Variants in JARID2 observed in about 807,000 individuals in gnomAD.
The protein encoded by JARID2 is jumonji and AT-rich interaction domain containing 2.
Under a neutral mutation model 125.6 loss-of-function variants are expected in JARID2, and 21 were observed. That is an observed-to-expected ratio of 0.17 (90% CI 0.12 to 0.24). The LOEUF (loss-of-function observed/expected upper bound fraction) is 0.24. Ranked by LOEUF, JARID2 falls within the 10% of genes least tolerant of loss-of-function variation. The probability of loss-of-function intolerance (pLI) is 1.00; values close to 1 mark genes in which losing one functional copy is unlikely to be tolerated. For missense variants in JARID2, 1,303 were observed against 1,639.6 expected, an observed-to-expected ratio of 0.79 and a Z score of 3.55; for synonymous variants, 736 against 661.6, an observed-to-expected ratio of 1.11 and a Z score of -1.73.
At chr6:15,274,304 T>TG (rs1273639439) in intron 1 of JARID2, among the ~76,000 whole-genome samples, 1 of 152,194 alleles carries the variant, frequency 6.6e-6, no homozygotes, top group Non-Finnish European at 1.5e-5. Flanking sequence ...TAGATAGTTT[T>TG]GGGGGATGTC....
intron 7 of JARID2, 95 bp from the exon 8 acceptor site, chr6:15,500,812 A>T (rs1169075430): frequency 9.3e-7 from 1 of 1,077,874 alleles, no homozygotes. Flanking sequence ...GTCCTGGCTC[A>T]TAGTAGGAGT....
At position 15,520,706 on chromosome 6, in the gene JARID2, C is replaced by CAT. The variant is rs70996556; in HGVS notation, c.*455_*456insAT. 3 of 453,584 alleles carry CAT rather than the reference C, an allele frequency of 6.6e-6. No homozygotes were observed. The highest frequency in any genetic ancestry group is 1.6e-5 in the South Asian group (1 of 64,398). The allele number at this position is 453,584 out of a possible 1,614,324, so 28.1% of individuals were successfully genotyped here. A position where few individuals can be genotyped will look rare whatever the true frequency, so the allele number is the denominator to read the frequency against. ...ACACACGCGCACACACACACACACA[C>CAT]GAAACTTGAAATGGCTTTGCTTTGG... On this transcript the variant is annotated 3_prime_UTR_variant, in exon 18 of 18. Transcript: ENST00000341776.
In JARID2 at chr6:15,469,339, G is replaced by GTCTCTCTCTCTCTCTCTCTCTCTCCTCCC. The variant is rs146456388; in HGVS notation, c.670+643_670+644insTCCTCCCTCTCTCTCTCTCTCTCTCTCTC. 1.4e-4 allele frequency among the ~76,000 whole-genome samples: 2 copies of GTCTCTCTCTCTCTCTCTCTCTCTCCTCCC among 14,214 alleles called. 1 individual carries two copies. The highest frequency in any genetic ancestry group is 7.9e-4 in the African/African-American group (2 of 2,528). The allele number at this position is 14,214 out of a possible 152,430, so 9.3% of individuals were successfully genotyped here. The stretch of plus-strand genomic sequence containing the variant: ...CTCTGTCTCTCTCTCTCTCTCTCCT[G>GTCTCTCTCTCTCTCTCTCTCTCTCCTCCC]TCTCTCTCTCTCTCTCTCTCTCCTC... On this transcript the variant is annotated intron_variant, in intron 5 of 17. Transcript: ENST00000341776.
intron 1 of JARID2, among the ~76,000 whole-genome samples, chr6:15,349,145 C>T (rs905618516): frequency 1.3e-5 from 2 of 152,092 alleles, no homozygotes; most frequent in Non-Finnish European, 2.9e-5. Flanking sequence ...ATGTGGATCC[C>T]ATCTATGAAG....
intron 5 of JARID2, among the ~76,000 whole-genome samples, chr6:15,480,560 G>A (rs896239780): frequency 3.3e-5 from 5 of 152,190 alleles, no homozygotes; most frequent in African/African-American, 9.7e-5. Flanking sequence ...ACAGGTAAAA[G>A]TAGAAGGCCA....
At chr6:15,327,426 A>T (rs916873151) in intron 1 of JARID2, among the ~76,000 whole-genome samples, 11 of 152,122 alleles carry the variant, frequency 7.2e-5, no homozygotes, top group Admixed American at 2.6e-4. Flanking sequence ...AACATTCAGC[A>T]TACTTGGTGA....
intron 1 of JARID2, among the ~76,000 whole-genome samples, chr6:15,338,884 A>G (rs1038726881): frequency 6.6e-6 from 1 of 152,304 alleles, no homozygotes; most frequent in South Asian, 2.1e-4. Context: ...TGACCCTGAT[A>G]AGATATATAG....
In JARID2 at chr6:15,496,545, C is replaced by T. The variant is rs200640529; in HGVS notation, c.1320C>T (p.Ser440=). 3 of 1,608,074 alleles carry T rather than the reference C, an allele frequency of 1.9e-6. 1 individual carries two copies. The highest frequency in any genetic ancestry group is 8.5e-7 in the Non-Finnish European group (1 of 1,178,112). The change falls in exon 7 of 18, where the codon TCC becomes TCT. Residue 440 remains serine, a synonymous_variant. Transcript: ENST00000341776. ...AGCTGCGGGAGGGGCTGCGGAACTC[C>T]AAGAGGAGACTGGAAGAGGCACACC... ...GLQLREGLRN[S]KRRLEEAHQA...
chr6:15,469,987 G>A (rs1287033071), intron 5 of JARID2, among the ~76,000 whole-genome samples: 2 of 152,018 alleles, frequency 1.3e-5, no homozygotes, highest in Non-Finnish European at 2.9e-5. Context: ...GACCATCCTG[G>A]CCAACATGGT....
Position 15,303,767 on chromosome 6 carries a change from A to G in JARID2, c.45+57183A>G, listed in dbSNP as rs531634749. On this transcript the variant is annotated intron_variant, in intron 1 of 17. Transcript: ENST00000341776. ...CAAGCTTGTTGAACAAGGAAATAGA[A>G]GTTTTCAACAATTTGACAGTGGTAT... 3.9e-5 allele frequency among the ~76,000 whole-genome samples: 6 copies of G among 152,324 alleles called. No individual in the cohort carries two copies. The South Asian group carries it at 1.2e-3, about 32-fold the overall frequency.
intron 1 of JARID2, among the ~76,000 whole-genome samples, chr6:15,287,009 G>A (rs973597970): frequency 2.6e-5 from 4 of 152,058 alleles, no homozygotes; most frequent in Non-Finnish European, 4.4e-5. Flanking sequence ...CAGCTACTCC[G>A]GAGGCTGAGG....
intron 1 of JARID2, among the ~76,000 whole-genome samples, 181 bp downstream of exon 1, chr6:15,246,765 A>G (rs1009678463): frequency 6.6e-6 from 1 of 152,200 alleles, no homozygotes; most frequent in East Asian, 1.9e-4. Flanking sequence ...TGGTTGAAAA[A>G]ACAGACTGGT....
chr6:15,306,874 T>G (rs1761846236), intron 1 of JARID2, among the ~76,000 whole-genome samples: 1 of 148,484 alleles, frequency 6.7e-6, no homozygotes, highest in Non-Finnish European at 1.5e-5. Flanking sequence ...GAAGTTAATA[T>G]ATATATTTTA....
At chr6:15,511,848 A>AC (rs1426514414) in intron 13 of JARID2, among the ~76,000 whole-genome samples, 1 of 152,074 alleles carries the variant, frequency 6.6e-6, no homozygotes, top group African/African-American at 2.4e-5. Flanking sequence ...GAAGAGATGG[A>AC]CGGGGGACTC....
At chr6:15,293,356 G>A (rs1415371246) in intron 1 of JARID2, among the ~76,000 whole-genome samples, 3 of 152,106 alleles carry the variant, frequency 2.0e-5, no homozygotes, top group East Asian at 1.9e-4. Context: ...TGGAGCTTGC[G>A]GTGAGCTGAG....
chr6:15,389,848 AC>A (rs1764932561), intron 2 of JARID2, among the ~76,000 whole-genome samples: 1 of 152,080 alleles, frequency 6.6e-6, no homozygotes, highest in Non-Finnish European at 1.5e-5. Flanking sequence ...ACCCCCTCCC[AC>A]CCTTTGATGT....
intron 4 of JARID2, among the ~76,000 whole-genome samples, chr6:15,458,363 C>T (rs1486209891): frequency 2.0e-5 from 3 of 152,172 alleles, no homozygotes; most frequent in Non-Finnish European, 2.9e-5. Flanking sequence ...TTCCTATGAC[C>T]GTGGGCATCA....
chr6:15,496,980 G>A lies in JARID2; in HGVS notation c.1755G>A (p.Gly585=), dbSNP rs1435969483. The A allele has an allele frequency of 6.2e-7, 1 of 1,613,764 alleles. No homozygotes were observed. Among genetic ancestry groups the A allele is most frequent in the Non-Finnish European group, 8.5e-7 (1 of 1,179,848 alleles). Residue 585 remains glycine, a synonymous_variant, in exon 7 of 18, where the codon GGG becomes GGA. Coordinates refer to ENST00000341776, the MANE Select transcript of JARID2 (RefSeq NM_004973.4). ...ESVRAQVEKF[G]MCRVIPPPDW... ...TCCGCGCTCAGGTGGAGAAGTTCGG[G>A]ATGTGCAGGGTGATCCCCCCTCCGG...
chr6:15,396,078 T>G (rs1259524313), intron 2 of JARID2, among the ~76,000 whole-genome samples: 1 of 152,248 alleles, frequency 6.6e-6, no homozygotes, highest in Non-Finnish European at 1.5e-5. Context: ...TTCAAAATAT[T>G]CTGAAAAAGG....
Sources: gnomAD v4.1 joint callset for allele counts (sites outside exome capture counted in the v4.1 genomes callset) on GRCh38, gnomAD v4.1.1 for gene constraint, MANE v1.5 for transcripts, NCBI Gene and HGNC (gene_info 2026-07-23, HGNC 2026-07-21) for gene names.